SCHIP1: variants seen among roughly 807,000 people sequenced by gnomAD.
SCHIP1 encodes the protein schwannomin-interacting protein 1.
SCHIP1 carries 8 observed loss-of-function variants against 29.7 expected under a neutral mutation model. The observed-to-expected ratio is 0.27, with a 90% CI of 0.16 to 0.49. The LOEUF is 0.49. Among genes scored for constraint, SCHIP1 ranks in the 20% least tolerant of loss-of-function variants. The pLI, the probability that SCHIP1 is intolerant of heterozygous loss-of-function variation, is 0.99. For synonymous variants in SCHIP1, 76 were observed against 94.9 expected, an observed-to-expected ratio of 0.80 and a Z score of 1.16; for missense variants, 193 against 294.6, an observed-to-expected ratio of 0.66 and a Z score of 2.52.
chr3:159,531,338 G>A, the SCHIP1 span, among the ~76,000 whole-genome samples: 4 of 152,180 alleles, frequency 2.6e-5, no homozygotes, highest in African/African-American at 9.7e-5. Flanking sequence ...CCCTGATAAT[G>A]TAAGTCCATC....
the SCHIP1 span, among the ~76,000 whole-genome samples, chr3:159,611,197 T>G: frequency 6.6e-6 from 1 of 150,984 alleles, no homozygotes; most frequent in Non-Finnish European, 1.5e-5. Flanking sequence ...TTCTAGAAAA[T>G]TAACTCAACT....
chr3:159,290,188 G>A, the SCHIP1 span, among the ~76,000 whole-genome samples: 2 of 152,218 alleles, frequency 1.3e-5, no homozygotes, highest in Non-Finnish European at 2.9e-5. Flanking sequence ...ATAAGAGGGA[G>A]TGAAGAATAT....
the SCHIP1 span, among the ~76,000 whole-genome samples, chr3:159,362,724 T>C: frequency 6.6e-6 from 1 of 152,302 alleles, no homozygotes; most frequent in African/African-American, 2.4e-5. Context: ...GAGCCTGTCA[T>C]TCCTAACACT....
At chr3:159,451,875 C>T in the SCHIP1 span, among the ~76,000 whole-genome samples, 1 of 152,044 alleles carries the variant, frequency 6.6e-6, no homozygotes, top group African/African-American at 2.4e-5. Flanking sequence ...TCAGGCAAGC[C>T]ACAAAGAGCA....
chr3:159,797,575 TC>T, the SCHIP1 span, among the ~76,000 whole-genome samples: 1 of 135,518 alleles, frequency 7.4e-6, no homozygotes, highest in Non-Finnish European at 1.5e-5. Flanking sequence ...AATTTAAAGA[TC>T]TTTTTTTTTT....
At chr3:159,491,191 G>A in the SCHIP1 span, among the ~76,000 whole-genome samples, 925 of 152,310 alleles carry the variant, frequency 6.1e-3, 9 homozygotes, top group African/African-American at 0.021. Flanking sequence ...CACAGAAAAC[G>A]GGTAATTTCT....
At chr3:159,463,574 C>T in the SCHIP1 span, among the ~76,000 whole-genome samples, 1 of 152,024 alleles carries the variant, frequency 6.6e-6, no homozygotes, top group Non-Finnish European at 1.5e-5. Flanking sequence ...CAAAGCACCT[C>T]TTAGGCATTA....
At chr3:159,420,994 C>T in the SCHIP1 span, among the ~76,000 whole-genome samples, 1 of 152,212 alleles carries the variant, frequency 6.6e-6, no homozygotes, top group African/African-American at 2.4e-5. Context: ...GCCCATCCAA[C>T]TGAAAGTTTC....
the SCHIP1 span, among the ~76,000 whole-genome samples, chr3:159,484,000 A>G: frequency 6.6e-6 from 1 of 152,194 alleles, no homozygotes; most frequent in East Asian, 1.9e-4. Flanking sequence ...AAAGCCTACA[A>G]TATAAATTTA....
At chr3:159,698,521 G>A in the SCHIP1 span, among the ~76,000 whole-genome samples, 2 of 152,152 alleles carry the variant, frequency 1.3e-5, no homozygotes, top group Admixed American at 1.3e-4. Context: ...GGCAGACATG[G>A]GTTCGCATTG....
the SCHIP1 span, among the ~76,000 whole-genome samples, chr3:159,658,257 A>T: frequency 1.3e-5 from 2 of 152,206 alleles, no homozygotes; most frequent in East Asian, 3.8e-4. Context: ...TTCAATGTTT[A>T]TGATATCCAG....
the SCHIP1 span, among the ~76,000 whole-genome samples, chr3:159,707,196 A>G: frequency 1.3e-5 from 2 of 152,178 alleles, no homozygotes. Context: ...CAGAGATCCA[A>G]AGGATGTGTG....
the SCHIP1 span, among the ~76,000 whole-genome samples, chr3:159,718,448 G>A: frequency 6.6e-6 from 1 of 152,304 alleles, no homozygotes; most frequent in Non-Finnish European, 1.5e-5. Context: ...AATTGTCCCT[G>A]TTTGCAGATG....
the SCHIP1 span, chr3:159,273,947 A>G: frequency 6.3e-7 from 1 of 1,587,864 alleles, no homozygotes; most frequent in Non-Finnish European, 8.6e-7. Context: ...TGAAGAGAGA[A>G]AACTTCAAAG....
At chr3:159,770,782 C>T in the SCHIP1 span, among the ~76,000 whole-genome samples, 1 of 152,166 alleles carries the variant, frequency 6.6e-6, no homozygotes, top group Non-Finnish European at 1.5e-5. Context: ...CTTCAGGTGG[C>T]TGGGTGGCTG....
intron 2 of SCHIP1, among the ~76,000 whole-genome samples, chr3:159,870,614 A>G (rs1715155360): frequency 6.6e-6 from 1 of 152,008 alleles, no homozygotes; most frequent in Non-Finnish European, 1.5e-5. Context: ...TTTTTCAGAT[A>G]CTGTTGGAGT....
At chr3:159,732,929 A>G in the SCHIP1 span, among the ~76,000 whole-genome samples, 3 of 152,220 alleles carry the variant, frequency 2.0e-5, no homozygotes, top group South Asian at 6.2e-4. Flanking sequence ...CCCTTTTTGC[A>G]GCCTGGCTTG....
the SCHIP1 span, among the ~76,000 whole-genome samples, chr3:159,740,507 G>A: frequency 6.6e-6 from 1 of 152,102 alleles, no homozygotes; most frequent in Non-Finnish European, 1.5e-5. Flanking sequence ...GTTTCTGGAT[G>A]AAACTGGAGA....
the SCHIP1 span, among the ~76,000 whole-genome samples, chr3:159,414,252 G>A: frequency 1.5e-3 from 227 of 152,286 alleles, no homozygotes; most frequent in African/African-American, 5.3e-3. Flanking sequence ...AGGGAAGGGA[G>A]AGAGAAAATG....
Sources: allele counts gnomAD v4.1 joint callset (sites outside exome capture counted in the v4.1 genomes callset), GRCh38; gene constraint gnomAD v4.1.1; transcripts MANE v1.5; gene names NCBI Gene and HGNC (gene_info 2026-07-23, HGNC 2026-07-21).